Variants in ULK2 observed in about 807,000 individuals in gnomAD.
ULK2 encodes serine/threonine-protein kinase ULK2.
ULK2 carries 76 observed loss-of-function variants against 127.5 expected under a neutral mutation model. The observed-to-expected ratio is 0.60, with a 90% CI of 0.50 to 0.72. ULK2 has a LOEUF of 0.72. Ranked by LOEUF, ULK2 falls within the 30% of genes least tolerant of loss-of-function variation. The probability of loss-of-function intolerance (pLI) is 0.00; values close to 1 mark genes in which losing one functional copy is unlikely to be tolerated. For synonymous variants in ULK2, 452 were observed against 461.9 expected (o/e 0.98, Z 0.28); for missense variants, 1,144 against 1,295.9 (o/e 0.88, Z 1.80).
In ULK2 at chr17:19,836,274, T is replaced by C. The variant is rs544140197; in HGVS notation, c.787+2227A>G. 1.3e-4 allele frequency among the ~76,000 whole-genome samples: 20 copies of C among 152,180 alleles called. No homozygotes were observed. The South Asian group carries it at 4.2e-3, about 32-fold the overall frequency. On this transcript the variant is annotated intron_variant, in intron 10 of 26. Transcript: ENST00000395544. ...AAATACAAAAATTAGCCGGGCATAG[T>C]GGCATGTGCCTGTAATCCCAGTTAC...
chr17:19,822,789 C>T lies in ULK2; in HGVS notation c.924+2305G>A, dbSNP rs535577848. ...GCAACCTCCGCCTCCCGGGTTCAAG[C>T]GATTCTCCTGCCTCAGCCTCTCGAG... On this transcript the variant is annotated intron_variant, in intron 12 of 26. Transcript: ENST00000395544. Among the ~76,000 whole-genome samples, 26 of 152,038 alleles carry T rather than the reference C, an allele frequency of 1.7e-4. 1 individual carries two copies. Among genetic ancestry groups the T allele is most frequent in the South Asian group, 2.1e-4 (1 of 4,818 alleles).
chr17:19,778,575 CTTG>C lies in ULK2; in HGVS notation c.2917-862_2917-860del, dbSNP rs527530219. Among the ~76,000 whole-genome samples the C allele has an allele frequency of 1.4e-3, 207 of 152,292 alleles. 1 individual carries two copies. Among genetic ancestry groups the C allele is most frequent in the African/African-American group, 4.8e-3 (200 of 41,570 alleles). On this transcript the variant is annotated intron_variant, in intron 25 of 26. Transcript: ENST00000395544. ...CTCAGAAATCCAGTATCCGAATTTA[CTTG>C]TTAATATGCTATATCTTGTTTTTGT... is the stretch of plus-strand genomic sequence containing the variant.
intron 14 of ULK2, among the ~76,000 whole-genome samples, chr17:19,806,877 T>C (rs2087527428): frequency 6.6e-6 from 1 of 152,218 alleles, no homozygotes. Flanking sequence ...CAATCACATG[T>C]TATTCTATCT....
chr17:19,846,573 T>A (rs1256902623), intron 6 of ULK2, among the ~76,000 whole-genome samples, 164 bp downstream of exon 6: 1 of 148,588 alleles, frequency 6.7e-6, no homozygotes, highest in Non-Finnish European at 1.5e-5. Context: ...CCAGGAGGCG[T>A]AGGTTGCAGT....
Position 19,804,159 on chromosome 17 carries a change from G to A in ULK2, c.1295+534C>T, listed in dbSNP as rs117825714. On this transcript the variant is annotated intron_variant, in intron 15 of 26. Coordinates refer to ENST00000395544, the MANE Select transcript of ULK2 (RefSeq NM_014683.4). ...GCACTTTGAGAGGCTGAGACGGGAG[G>A]ATCGCTTGAGGCCAGGAGTTCAAGA... Among the ~76,000 whole-genome samples, 377 of 151,772 alleles carry A rather than the reference G, an allele frequency of 2.5e-3. 16 individuals are homozygous for A. The East Asian group carries it at 0.061, about 25-fold the overall frequency.
intron 22 of ULK2, 140 bp from the exon 23 acceptor site, chr17:19,782,207 A>C (rs180804279): frequency 2.1e-6 from 2 of 959,836 alleles, no homozygotes; most frequent in East Asian, 5.3e-5. Flanking sequence ...GAAATTTTTA[A>C]ATTTCAGAAA....
intron 10 of ULK2, among the ~76,000 whole-genome samples, chr17:19,836,104 T>TAA (rs56884283): frequency 8.5e-5 from 10 of 118,090 alleles, no homozygotes; most frequent in African/African-American, 1.6e-4. Context: ...CCATCTCTAC[T>TAA]AAAAAAAAAA....
chr17:19,833,120 C>A (rs373249498), intron 10 of ULK2, among the ~76,000 whole-genome samples: 298 of 66,404 alleles, frequency 4.5e-3, no homozygotes, highest in African/African-American at 0.021. Flanking sequence ...AAGACTTTGT[C>A]TCAAAGGAAA....
chr17:19,777,509 C>A, intron 26 of ULK2, 72 bp downstream of exon 26: 1 of 1,486,714 alleles, frequency 6.7e-7, no homozygotes, highest in South Asian at 1.4e-5. Context: ...AAACTCCAAG[C>A]TCTTTGTACT....
chr17:19,826,269 TATA>T, intron 10 of ULK2, 83 bp from the exon 11 acceptor site: 1 of 793,922 alleles, frequency 1.3e-6, no homozygotes, highest in South Asian at 2.9e-5. Context: ...ACGTATTCAA[TATA>T]ATGTCTTTGA....
At chr17:19,838,447 G>C in intron 10 of ULK2, 54 bp downstream of exon 10, 1 of 1,437,814 alleles carries the variant, frequency 7.0e-7, no homozygotes. Context: ...TAAATCTTTC[G>C]GCATATATAA....
At chr17:19,797,160 G>A (rs1230462440) in intron 18 of ULK2, among the ~76,000 whole-genome samples, 1 of 152,076 alleles carries the variant, frequency 6.6e-6, no homozygotes, top group African/African-American at 2.4e-5. Flanking sequence ...AGCTGGGCAT[G>A]GTGGCACATG....
rs751585231 is a variant in ULK2 at position 19,801,825 on chromosome 17, G to T, written c.1393C>A (p.Arg465=). 4 of 1,614,112 alleles carry T rather than the reference G, an allele frequency of 2.5e-6. No homozygotes were observed. The highest frequency in any genetic ancestry group is 3.4e-6 in the Non-Finnish European group (4 of 1,180,042). ...VPADTAQTVG[R]RLSTGSSRPY... is the part of the protein sequence containing the mutation. ...CTAGAAGACCCAGTGGAGAGCCTTC[G>T]TCCAACTGTCTGTGCTGTGTCTGCT... Residue 465 remains arginine (R), a synonymous_variant, in exon 16 of 27, where the codon CGA becomes AGA. Transcript: ENST00000395544.
At chr17:19,791,555 C>T (rs765097456) in intron 20 of ULK2, among the ~76,000 whole-genome samples, 8 of 152,086 alleles carry the variant, frequency 5.3e-5, no homozygotes, top group Non-Finnish European at 1.2e-4. Flanking sequence ...TATGGTGGCA[C>T]ACACCTGTGG....
intron 13 of ULK2, among the ~76,000 whole-genome samples, chr17:19,814,178 A>G (rs769869847): frequency 6.6e-6 from 1 of 151,938 alleles, no homozygotes; most frequent in Non-Finnish European, 1.5e-5. Context: ...TAAATAGGAC[A>G]TGTGACTGAT....
intron 22 of ULK2, 88 bp downstream of exon 22, chr17:19,783,609 C>T: frequency 3.2e-6 from 4 of 1,254,442 alleles, no homozygotes; most frequent in Non-Finnish European, 4.2e-6. Context: ...AACTTCCTAA[C>T]TATTTAATGT....
intron 10 of ULK2, among the ~76,000 whole-genome samples, chr17:19,830,618 T>TAAAA (rs3866960): frequency 7.2e-6 from 1 of 138,690 alleles, no homozygotes; most frequent in African/African-American, 2.7e-5. Context: ...TGAGATTGTT[T>TAAAA]AAAAAAAAAA....
At position 19,785,965 on chromosome 17, in the gene ULK2, G is replaced by C. The variant is rs770977520; in HGVS notation, c.2223C>G (p.His741Gln). ...AGGTTGTTCTTGTTCGAAGGAACAT[G>C]TGGGTACAAGTGGGGGCTGCCGCAC... is the stretch of plus-strand genomic sequence containing the variant. ...PHSAAAPTCT[H>Q]MFLRTRTTSV... Residue 741 changes from histidine (H) to glutamine (Q), a missense_variant, in exon 21 of 27, where the codon CAC becomes CAG. Transcript: ENST00000395544. The C allele has an allele frequency of 1.3e-6, 2 of 1,593,802 alleles. No individual in the cohort carries two copies. The highest frequency in any genetic ancestry group is 3.6e-5 in the Admixed American group (2 of 56,222).
Position 19,867,502 on chromosome 17 carries a change from C to A in ULK2, c.-85G>T. 1.9e-6 allele frequency: 2 copies of A among 1,074,558 alleles called. No homozygotes were observed. Among genetic ancestry groups the A allele is most frequent in the East Asian group, 3.5e-5 (1 of 28,210 alleles). The allele number at this position is 1,074,558 out of a possible 1,614,324, so 66.6% of individuals were successfully genotyped here. A position where few individuals can be genotyped will look rare whatever the true frequency, so the allele number is the denominator to read the frequency against. On this transcript the variant is annotated 5_prime_UTR_variant, in exon 1 of 27. Transcript: ENST00000395544. Reference sequence around the variant, plus strand: ...GCACCGCGGCTCCGCGGGCCCGGAGCGCGCCAGCGTGCGGCGGGTCTGGGG... The same window carrying A: ...GCACCGCGGCTCCGCGGGCCCGGAGAGCGCCAGCGTGCGGCGGGTCTGGGG...
Sources: gnomAD v4.1 joint callset for allele counts (sites outside exome capture counted in the v4.1 genomes callset) on GRCh38, gnomAD v4.1.1 for gene constraint, MANE v1.5 for transcripts, NCBI Gene and HGNC (gene_info 2026-07-23, HGNC 2026-07-21) for gene names.